Variants in DNAH12 observed in about 807,000 individuals in gnomAD.
DNAH12 encodes dynein axonemal heavy chain 12.
A neutral mutation model predicts 371.5 loss-of-function variants in DNAH12; 285 were observed. The ratio of observed to expected loss-of-function variants is 0.77; its 90% CI spans 0.70 to 0.85. The LOEUF (loss-of-function observed/expected upper bound fraction) is 0.85. Among genes scored for constraint, DNAH12 ranks in the 40% least tolerant of loss-of-function variants. The probability of loss-of-function intolerance (pLI) is 0.00; values close to 1 mark genes in which losing one functional copy is unlikely to be tolerated. For missense variants in DNAH12, 3,611 were observed against 3,689.4 expected, an observed-to-expected ratio of 0.98 and a Z score of 0.55; for synonymous variants, 1,200 against 1,213.0, an observed-to-expected ratio of 0.99 and a Z score of 0.22.
At chr3:57,418,507 T>G (rs1226404023) in intron 37 of DNAH12, among the ~76,000 whole-genome samples, 2 of 148,652 alleles carry the variant, frequency 1.3e-5, no homozygotes, top group East Asian at 4.0e-4. Context: ...ACCACTGTAG[T>G]CCAGCCTGGG....
chr3:57,433,455 G>A lies in DNAH12; in HGVS notation c.4892C>T (p.Thr1631Ile). ...AAATACAACCCATTTCCGGTCAGGT[G>A]TTTCTGATAAGGCAAATTCTCTAAA... is the stretch of plus-strand genomic sequence containing the variant. Reference protein sequence around the residue: ...NTFREFALSETPDRKWVVFDG... With the variant: ...NTFREFALSEIPDRKWVVFDG... Residue 1631 changes from threonine (T) to isoleucine (I), a missense_variant, in exon 32 of 74, where the codon ACA (threonine) becomes ATA (isoleucine). By Grantham distance (89) the Thr-to-Ile change is moderately conservative (BLOSUM62 -1). Around this residue, in one of 3 missense-constraint regions of DNAH12, gnomAD observed 2,266 missense variants for 2,236.9 expected, o/e 1.01. Transcript: ENST00000495027. 17 of 1,551,508 alleles carry A rather than the reference G, an allele frequency of 1.1e-5. No individual in the cohort carries two copies. The highest frequency in any genetic ancestry group is 1.4e-5 in the Non-Finnish European group (16 of 1,146,912).
intron 59 of DNAH12, among the ~76,000 whole-genome samples, chr3:57,352,691 T>A (rs1233693324): frequency 1.3e-5 from 2 of 151,978 alleles, no homozygotes; most frequent in Non-Finnish European, 2.9e-5. Context: ...TCTATTAGTG[T>A]AAGGCTCTAT....
At chr3:57,520,719 G>C (rs978556485) in intron 4 of DNAH12, among the ~76,000 whole-genome samples, 9 of 152,098 alleles carry the variant, frequency 5.9e-5, no homozygotes, top group African/African-American at 1.9e-4. Flanking sequence ...GGGATTACAG[G>C]TGTGAGCACC....
At chr3:57,326,165 T>C (rs1438772135) in intron 62 of DNAH12, among the ~76,000 whole-genome samples, 39 of 151,996 alleles carry the variant, frequency 2.6e-4, no homozygotes, top group African/African-American at 6.7e-4. Flanking sequence ...ACTTCCCCAA[T>C]CTAGCAAGGC....
At chr3:57,508,265 A>G in intron 7 of DNAH12, 117 bp downstream of exon 7, 1 of 1,054,090 alleles carries the variant, frequency 9.5e-7, no homozygotes, top group Non-Finnish European at 1.3e-6. Flanking sequence ...ATTTTTTTAA[A>G]CTCTAAAATC....
At chr3:57,502,174 G>C (rs1379666846) in intron 10 of DNAH12, 149 bp downstream of exon 10, 2 of 1,015,626 alleles carry the variant, frequency 2.0e-6, no homozygotes, top group African/African-American at 3.2e-5. Flanking sequence ...CCCTGGGTTG[G>C]ATTCTTGACT....
At chr3:57,357,152 T>A (rs969971153) in intron 59 of DNAH12, 24 bp downstream of exon 59, 9 of 152,230 alleles carry the variant, frequency 5.9e-5, no homozygotes, top group Admixed American at 5.2e-4. Flanking sequence ...CTCGGGAAGA[T>A]GAATAAAGCG....
intron 23 of DNAH12, 70 bp downstream of exon 23, chr3:57,454,704 TA>T: frequency 3.3e-6 from 5 of 1,521,966 alleles, no homozygotes; most frequent in Non-Finnish European, 4.4e-6. Flanking sequence ...ATCTCATTTC[TA>T]AAAATAATAA....
chr3:57,410,751 G>C (rs557100095), intron 39 of DNAH12, among the ~76,000 whole-genome samples: 3 of 152,080 alleles, frequency 2.0e-5, no homozygotes, highest in East Asian at 3.9e-4. Context: ...GGGAGGCGGA[G>C]GTTGTAGTGA....
At chr3:57,494,344 G>T (rs565345929) in intron 11 of DNAH12, among the ~76,000 whole-genome samples, 1 of 152,226 alleles carries the variant, frequency 6.6e-6, no homozygotes, top group South Asian at 2.1e-4. Context: ...TTTGAGCCCA[G>T]GAGTTTGAGA....
At chr3:57,543,339 T>TTTTTTTTTA (rs2069383118) in intron 1 of DNAH12, among the ~76,000 whole-genome samples, 1 of 126,636 alleles carries the variant, frequency 7.9e-6, no homozygotes, top group African/African-American at 3.0e-5. Flanking sequence ...TTTTTTTTTT[T>TTTTTTTTTA]TGAGACAGAT....
intron 62 of DNAH12, among the ~76,000 whole-genome samples, chr3:57,333,015 T>C (rs924715796): frequency 6.6e-6 from 1 of 152,264 alleles, no homozygotes; most frequent in African/African-American, 2.4e-5. Context: ...CCACAGAAGT[T>C]GATAAACGTT....
rs1445919525 is a variant in DNAH12 at position 57,357,289 on chromosome 3, G to A, written c.9420C>T (p.Ala3140=). The change falls in exon 59 of 74, where the codon GCC becomes GCT. Residue 3140 remains alanine (A), a synonymous_variant. Transcript: ENST00000495027. Reference sequence around the variant, plus strand: ...TAAAGAATAACACTGACGAGTGTTTGGCGATGGGTCTATAGCCTTCTCGAG... The same window carrying A: ...TAAAGAATAACACTGACGAGTGTTTAGCGATGGGTCTATAGCCTTCTCGAG... ...AESREGYRPI[A]KHSSVLFFSI... is the part of the protein sequence containing the mutation. 6 of 152,238 alleles carry A rather than the reference G, an allele frequency of 3.9e-5. No homozygotes were observed. In the East Asian group the frequency reaches 1.2e-3, roughly 29 times the overall value. The allele number at this position is 152,238 out of a possible 1,614,324, so 9.4% of individuals were successfully genotyped here.
intron 59 of DNAH12, among the ~76,000 whole-genome samples, chr3:57,354,446 A>G (rs984330559): frequency 3.3e-5 from 5 of 151,576 alleles, no homozygotes; most frequent in Admixed American, 6.6e-5. Flanking sequence ...CCCCTGTGAC[A>G]TGTAGTTTAC....
chr3:57,371,989 A>G (rs958564966), intron 55 of DNAH12, among the ~76,000 whole-genome samples: 1 of 150,492 alleles, frequency 6.6e-6, no homozygotes. Flanking sequence ...AAGATGAAAT[A>G]AAGACTTTTT....
At chr3:57,303,971 A>T (rs945965894) in intron 69 of DNAH12, among the ~76,000 whole-genome samples, 19 of 152,098 alleles carry the variant, frequency 1.2e-4, no homozygotes, top group Non-Finnish European at 2.8e-4. Flanking sequence ...TGGCTGGTCC[A>T]TGCCTTAACT....
intron 67 of DNAH12, among the ~76,000 whole-genome samples, chr3:57,310,168 C>G (rs568906902): frequency 6.6e-6 from 1 of 152,248 alleles, no homozygotes; most frequent in East Asian, 1.9e-4. Flanking sequence ...CAAAATAATC[C>G]TTATCTTCCA....
the DNAH12 span, among the ~76,000 whole-genome samples, chr3:57,552,474 T>A: frequency 2.0e-5 from 3 of 152,238 alleles, no homozygotes; most frequent in African/African-American, 7.2e-5. Flanking sequence ...GCTTATCCCA[T>A]TCACAGTTAT....
intron 45 of DNAH12, among the ~76,000 whole-genome samples, chr3:57,390,425 ATATAT>A (rs1184790930): frequency 2.2e-4 from 9 of 40,958 alleles, no homozygotes; most frequent in African/African-American, 5.3e-4. Context: ...AAAAAAAAAA[ATATAT>A]ATATATATAT....
Sources: allele counts gnomAD v4.1 joint callset (sites outside exome capture counted in the v4.1 genomes callset), GRCh38; gene constraint gnomAD v4.1.1; regional missense constraint gnomAD v4.1.1; transcripts MANE v1.5; gene names NCBI Gene and HGNC (gene_info 2026-07-23, HGNC 2026-07-21).